ANKS1A: variants seen among roughly 807,000 people sequenced by gnomAD.
ANKS1A encodes ankyrin repeat and SAM domain-containing protein 1A.
A neutral mutation model predicts 120.3 loss-of-function variants in ANKS1A; 55 were observed. That is an observed-to-expected ratio of 0.46 (90% CI 0.37 to 0.57). The LOEUF is 0.57. Ranked by LOEUF, ANKS1A falls within the 20% of genes least tolerant of loss-of-function variation. The pLI is 0.00. For synonymous variants in ANKS1A, 590 were observed against 604.7 expected (o/e 0.98, Z 0.36); for missense variants, 1,123 against 1,480.3 (o/e 0.76, Z 3.96).
intron 3 of ANKS1A, among the ~76,000 whole-genome samples, chr6:34,972,943 T>A (rs962559969): frequency 4.5e-4 from 69 of 152,258 alleles, no homozygotes; most frequent in African/African-American, 1.7e-3. Context: ...ATTTACAATT[T>A]TGATTCTTAA....
intron 2 of ANKS1A, among the ~76,000 whole-genome samples, chr6:34,969,282 C>T (rs769659515): frequency 5.4e-4 from 82 of 152,212 alleles, no homozygotes; most frequent in Non-Finnish European, 9.6e-4. Context: ...GAGAGAGAGT[C>T]TCGCTCTGTC....
At chr6:35,065,232 C>A (rs56365371) in intron 13 of ANKS1A, among the ~76,000 whole-genome samples, 50,116 of 151,612 alleles carry the variant, frequency 0.33, 8,666 homozygotes, top group East Asian at 0.61. Flanking sequence ...CACTGCCTGA[C>A]TGCAGCGCAG....
At chr6:35,056,168 G>A (rs1311548574) in intron 12 of ANKS1A, among the ~76,000 whole-genome samples, 1 of 152,250 alleles carries the variant, frequency 6.6e-6, no homozygotes. Context: ...GATAAGTCGG[G>A]AGATGTGGCA....
intron 1 of ANKS1A, among the ~76,000 whole-genome samples, chr6:34,901,810 C>A (rs1210427354): frequency 1.3e-5 from 2 of 152,206 alleles, no homozygotes; most frequent in Admixed American, 6.5e-5. Flanking sequence ...CACACCCAGA[C>A]AGGACTGAGG....
intron 10 of ANKS1A, among the ~76,000 whole-genome samples, chr6:35,004,850 A>G (rs1358774703): frequency 4.6e-5 from 7 of 152,260 alleles, no homozygotes; most frequent in African/African-American, 1.7e-4. Flanking sequence ...GGTGTATATG[A>G]TTCAGACCAT....
chr6:34,939,496 A>G (rs1211021887), intron 1 of ANKS1A, among the ~76,000 whole-genome samples: 1 of 152,246 alleles, frequency 6.6e-6, no homozygotes, highest in Non-Finnish European at 1.5e-5. Context: ...ATTATAATAT[A>G]CACTATGGTG....
At chr6:35,005,153 C>T (rs183612885) in intron 10 of ANKS1A, among the ~76,000 whole-genome samples, 21 of 152,250 alleles carry the variant, frequency 1.4e-4, no homozygotes, top group Admixed American at 8.5e-4. Context: ...GTAGAATTAG[C>T]GGGTCAGAGT....
At position 35,083,164 on chromosome 6, in the gene ANKS1A, T is replaced by G; in HGVS notation, c.2845T>G (p.Ser949Ala). Residue 949 changes from serine (S) to alanine (A), a missense_variant, in exon 19 of 24, where the codon TCC (serine) becomes GCC (alanine). This residue lies in a region of ANKS1A where 904 missense variants were observed against 1,130.4 expected (regional missense o/e 0.80). Coordinates refer to ENST00000360359, the MANE Select transcript of ANKS1A (RefSeq NM_015245.3). ...SCGYEANYLG[S>A]MLIKDLRGTE... ...CTGCTCGCCCCCACAGTATCTGGGC[T>G]CCATGCTGATCAAAGATCTGCGAGG... 6.2e-7 allele frequency: 1 copy of G among 1,614,136 alleles called. No individual in the cohort carries two copies. Among genetic ancestry groups the G allele is most frequent in the Non-Finnish European group, 8.5e-7 (1 of 1,180,020 alleles).
At chr6:34,966,824 C>T (rs757607731) in intron 1 of ANKS1A, among the ~76,000 whole-genome samples, 9 of 152,140 alleles carry the variant, frequency 5.9e-5, no homozygotes, top group Admixed American at 1.3e-4. Context: ...TTGATCCTTG[C>T]TCGTTGGCTC....
At chr6:35,094,553 T>G (rs1778401834), downstream of ANKS1A, among the ~76,000 whole-genome samples, 1 of 151,934 alleles carries the variant, frequency 6.6e-6, no homozygotes, top group Admixed American at 6.6e-5. Context: ...AACACACTTG[T>G]AGCAAAAGAA....
chr6:34,978,491 A>C (rs1038997232), intron 3 of ANKS1A, among the ~76,000 whole-genome samples: 1 of 152,256 alleles, frequency 6.6e-6, no homozygotes, highest in South Asian at 2.1e-4. Context: ...TTGTGAGTGT[A>C]TTAACCAGCA....
chr6:35,070,993 G>A (rs1777058279), intron 13 of ANKS1A: 1 of 555,048 alleles, frequency 1.8e-6, no homozygotes, highest in South Asian at 1.5e-5. Flanking sequence ...CTATTTTACA[G>A]AGGCCTGCCC....
intron 1 of ANKS1A, among the ~76,000 whole-genome samples, chr6:34,943,625 T>G (rs975902925): frequency 2.0e-5 from 3 of 152,218 alleles, no homozygotes; most frequent in African/African-American, 7.2e-5. Context: ...GGCACTGATC[T>G]TCTTACCATC....
chr6:34,945,083 T>C (rs1000934521), intron 1 of ANKS1A, among the ~76,000 whole-genome samples: 14 of 152,142 alleles, frequency 9.2e-5, no homozygotes, highest in Admixed American at 5.2e-4. Flanking sequence ...TTTTATTTTA[T>C]TTTATTATTT....
intron 20 of ANKS1A, 107 bp downstream of exon 20, chr6:35,083,610 C>A: frequency 1.9e-6 from 2 of 1,028,844 alleles, no homozygotes; most frequent in Non-Finnish European, 3.0e-6. Flanking sequence ...CTCTTATCTC[C>A]CTAGAGGGTC....
chr6:35,072,643 T>C (rs820065), intron 13 of ANKS1A, among the ~76,000 whole-genome samples: 121,779 of 152,168 alleles, frequency 0.8, 49,711 homozygotes, highest in South Asian at 0.92. Flanking sequence ...CTGGCATTTC[T>C]GAACCCACTC....
chr6:35,054,021 C>G, intron 11 of ANKS1A, 78 bp from the exon 12 acceptor site: 1 of 1,205,456 alleles, frequency 8.3e-7, no homozygotes, highest in Non-Finnish European at 1.2e-6. Context: ...AGGTCAGACC[C>G]CACTGGCGCT....
At chr6:35,048,632 T>A (rs1285163551) in intron 11 of ANKS1A, among the ~76,000 whole-genome samples, 2 of 152,090 alleles carry the variant, frequency 1.3e-5, no homozygotes, top group African/African-American at 4.8e-5. Flanking sequence ...CAGTGACCCT[T>A]TTTCAGATGT....
At chr6:35,037,832 G>T (rs1775256034) in intron 11 of ANKS1A, among the ~76,000 whole-genome samples, 1 of 152,162 alleles carries the variant, frequency 6.6e-6, no homozygotes, top group Admixed American at 6.5e-5. Flanking sequence ...GCACAGGAAG[G>T]GTTTTCCCTG....
Sources: gnomAD v4.1 joint callset for allele counts (sites outside exome capture counted in the v4.1 genomes callset) on GRCh38, gnomAD v4.1.1 for gene constraint, gnomAD v4.1.1 regional missense constraint, MANE v1.5 for transcripts, NCBI Gene and HGNC (gene_info 2026-07-23, HGNC 2026-07-21) for gene names.